The following SNX29 variants were observed in gnomAD, a reference collection of about 807,000 sequenced individuals.
SNX29 encodes the protein sorting nexin-29.
In SNX29, 78 loss-of-function variants were observed where a neutral mutation model predicts 102.1. The observed-to-expected ratio is 0.76, with a 90% CI of 0.64 to 0.92. SNX29 has a LOEUF of 0.92. Among genes scored for constraint, SNX29 ranks in the 40% least tolerant of loss-of-function variants. The probability of loss-of-function intolerance (pLI) is 0.00; values close to 1 mark genes in which losing one functional copy is unlikely to be tolerated. For missense variants in SNX29, 1,280 were observed against 1,061.7 expected, an observed-to-expected ratio of 1.21 and a Z score of -2.86; for synonymous variants, 580 against 414.5, an observed-to-expected ratio of 1.40 and a Z score of -4.85.
chr16:12,420,796 C>G (rs1002583752), intron 18 of SNX29, among the ~76,000 whole-genome samples: 3 of 152,182 alleles, frequency 2.0e-5, no homozygotes, highest in African/African-American at 7.2e-5. Context: ...AGTCACCAAG[C>G]TCATGCTTCA....
intron 19 of SNX29, among the ~76,000 whole-genome samples, chr16:12,505,945 G>C (rs879535915): frequency 6.6e-6 from 1 of 151,932 alleles, no homozygotes; most frequent in African/African-American, 2.4e-5. Flanking sequence ...TTTCTATAGA[G>C]TACAGGTTTC....
At chr16:12,298,937 C>A (rs192816297) in intron 15 of SNX29, among the ~76,000 whole-genome samples, 201 of 151,830 alleles carry the variant, frequency 1.3e-3, no homozygotes, top group Middle Eastern at 6.8e-3. Flanking sequence ...TTTTATTTAT[C>A]CATTTTCATA....
In SNX29 at chr16:12,117,870, C is replaced by T. The variant is rs151264291; in HGVS notation, c.1403-8763C>T. On this transcript the variant is annotated intron_variant, in intron 11 of 20. Transcript: ENST00000566228. Reference sequence around the variant, plus strand: ...CAGCACTTTGAGAGGCTGAGGCGGGCGGATCACAAGGTCAGGAGATTGAGA... The same window carrying T: ...CAGCACTTTGAGAGGCTGAGGCGGGTGGATCACAAGGTCAGGAGATTGAGA... 2.2e-3 allele frequency among the ~76,000 whole-genome samples: 334 copies of T among 152,096 alleles called. 7 individuals carry two copies. In the East Asian group the frequency reaches 0.047, roughly 21 times the overall value.
At position 12,118,387 on chromosome 16, in the gene SNX29, G is replaced by A. The variant is rs969358365; in HGVS notation, c.1403-8246G>A. ...CCAGGCTGGAGTGCAGTGGCACCAT[G>A]TCGGCTCACTGCAACCTCCGTCTCC... On this transcript the variant is annotated intron_variant, in intron 11 of 20. Coordinates refer to ENST00000566228, the MANE Select transcript of SNX29 (RefSeq NM_032167.5). Among the ~76,000 whole-genome samples the A allele has an allele frequency of 6.9e-5, 9 of 131,174 alleles. No individual in the cohort carries two copies. In the South Asian group the frequency reaches 2.0e-3, roughly 30 times the overall value. The allele number at this position is 131,174 out of a possible 152,430, so 86.1% of individuals were successfully genotyped here. A position where few individuals can be genotyped will look rare whatever the true frequency, so the allele number is the denominator to read the frequency against.
intron 13 of SNX29, among the ~76,000 whole-genome samples, chr16:12,167,868 T>C (rs1257518581): frequency 1.3e-5 from 2 of 152,186 alleles, no homozygotes; most frequent in African/African-American, 4.8e-5. Context: ...TGTTTAGGAA[T>C]GGTCCTTGGC....
intron 20 of SNX29, among the ~76,000 whole-genome samples, chr16:12,567,644 C>T (rs965919174): frequency 6.6e-6 from 1 of 152,134 alleles, no homozygotes; most frequent in Non-Finnish European, 1.5e-5. Context: ...TACCTATAGT[C>T]CCAGCTGCTC....
At chr16:12,194,524 T>C (rs1005900788) in intron 13 of SNX29, among the ~76,000 whole-genome samples, 61 of 152,002 alleles carry the variant, frequency 4.0e-4, no homozygotes, top group African/African-American at 1.4e-3. Context: ...ACAGGAGTGG[T>C]GAGGGAAGAA....
intron 18 of SNX29, among the ~76,000 whole-genome samples, chr16:12,425,602 G>A (rs536121561): frequency 4.6e-4 from 70 of 150,796 alleles, no homozygotes; most frequent in African/African-American, 1.5e-3. Context: ...TAGAGAAGAG[G>A]CAGATAGAGA....
intron 18 of SNX29, among the ~76,000 whole-genome samples, chr16:12,416,209 CCT>C (rs2084629904): frequency 1.3e-5 from 2 of 152,074 alleles, no homozygotes; most frequent in Admixed American, 1.3e-4. Context: ...ACGTCGAGTC[CCT>C]CTCAGCTTTT....
intron 20 of SNX29, among the ~76,000 whole-genome samples, chr16:12,558,199 C>T (rs1375667789): frequency 6.8e-6 from 1 of 146,322 alleles, no homozygotes; most frequent in Admixed American, 6.9e-5. Context: ...TTACGGTTTA[C>T]TCCAGCAGAA....
chr16:12,468,999 A>G (rs960936033), intron 18 of SNX29, among the ~76,000 whole-genome samples: 3 of 152,188 alleles, frequency 2.0e-5, no homozygotes, highest in Admixed American at 1.3e-4. Flanking sequence ...TAATCTGTGC[A>G]CCTCAGTTCT....
rs147116784 is a variant in SNX29, at chr16:12,147,375, G to A, written c.1595+17617G>A. Among the ~76,000 whole-genome samples, 36 of 152,336 alleles carry A rather than the reference G, an allele frequency of 2.4e-4. No homozygotes were observed. In the East Asian group the frequency reaches 6.6e-3, roughly 28 times the overall value. On this transcript the variant is annotated intron_variant, in intron 13 of 20. Coordinates refer to ENST00000566228, the MANE Select transcript of SNX29 (RefSeq NM_032167.5). ...ATTACCAAAACCCATAAATATGACA[G>A]AACTCTTATGAAAAGGTTACGGTAA...
Position 12,538,823 on chromosome 16 carries a change from G to A in SNX29, c.2318+13982G>A, listed in dbSNP as rs563126747. On this transcript the variant is annotated intron_variant, in intron 20 of 20. Coordinates refer to ENST00000566228, the MANE Select transcript of SNX29 (RefSeq NM_032167.5). ...GGCAGAAACCAGAGTCAGTGGGAGG[G>A]CACTGCAAAGTCACGTGGCAAAGAG... Among the ~76,000 whole-genome samples the A allele has an allele frequency of 4.7e-4, 72 of 152,300 alleles. 1 individual carries two copies. The South Asian group carries it at 0.014, about 30-fold the overall frequency.
intron 14 of SNX29, among the ~76,000 whole-genome samples, chr16:12,209,400 G>C (rs2077125730): frequency 6.6e-6 from 1 of 152,154 alleles, no homozygotes; most frequent in African/African-American, 2.4e-5. Flanking sequence ...ATGTTGGCCA[G>C]ACTGGTTTCA....
At chr16:12,541,238 C>G (rs1203821345) in intron 20 of SNX29, among the ~76,000 whole-genome samples, 1 of 152,086 alleles carries the variant, frequency 6.6e-6, no homozygotes, top group Non-Finnish European at 1.5e-5. Context: ...ACTATGGAAC[C>G]ATGTATCATA....
intron 15 of SNX29, among the ~76,000 whole-genome samples, chr16:12,282,781 G>C (rs528070994): frequency 4.6e-5 from 7 of 152,272 alleles, no homozygotes; most frequent in African/African-American, 1.7e-4. Flanking sequence ...TCAGCCTCCT[G>C]AGTAGCTGGA....
chr16:12,442,405 C>T (rs1326220135), intron 18 of SNX29, among the ~76,000 whole-genome samples: 1 of 152,146 alleles, frequency 6.6e-6, no homozygotes, highest in Non-Finnish European at 1.5e-5. Flanking sequence ...TCCCTTCTCT[C>T]CTTTTATCTT....
In SNX29 at chr16:12,052,412, T is replaced by C. The variant is rs969468741; in HGVS notation, c.1124+190T>C. The C allele has an allele frequency of 1.2e-4, 65 of 539,298 alleles. 1 individual carries two copies. The highest frequency in any genetic ancestry group is 1.2e-3 in the African/African-American group (60 of 52,142). 33.4% of individuals were successfully genotyped at this position (539,298 alleles called of 1,614,324 possible). A position where few individuals can be genotyped will look rare whatever the true frequency, so the allele number is the denominator to read the frequency against. ...TTGTATTTTTAGTAGAGATGGGGTT[T>C]CACCATATTGGCCAGGCTGGTCTCA... On this transcript the variant is annotated intron_variant, in intron 8 of 20. Transcript: ENST00000566228.
chr16:12,562,134 G>A (rs983200630), intron 20 of SNX29, among the ~76,000 whole-genome samples: 10 of 152,112 alleles, frequency 6.6e-5, no homozygotes, highest in Non-Finnish European at 1.5e-4. Context: ...ACCCCAAAAT[G>A]GCTCTGGCAA....
Sources: gnomAD v4.1 joint callset for allele counts (sites outside exome capture counted in the v4.1 genomes callset) on GRCh38, gnomAD v4.1.1 for gene constraint, MANE v1.5 for transcripts, NCBI Gene and HGNC (gene_info 2026-07-23, HGNC 2026-07-21) for gene names.